The following TMEM278 variants were observed in gnomAD, a reference collection of about 807,000 sequenced individuals.
The protein encoded by TMEM278 is transmembrane protein 278.
chr1:1,426,455 G>A, the TMEM278 span: 2 of 1,244,860 alleles, frequency 1.6e-6, no homozygotes, highest in Non-Finnish European at 2.1e-6. Flanking sequence ...GGGTCTGAAG[G>A]CACTGTGCCC....
At chr1:1,429,347 CAA>C in the TMEM278 span, among the ~76,000 whole-genome samples, 8 of 125,758 alleles carry the variant, frequency 6.4e-5, no homozygotes, top group Non-Finnish European at 6.9e-5. Context: ...AACTCCATCT[CAA>C]AAAAAAAAAA....
At chr1:1,426,297 T>C in the TMEM278 span, 1 of 1,497,144 alleles carries the variant, frequency 6.7e-7, no homozygotes, top group Non-Finnish European at 8.9e-7. Context: ...GGGCTCCTGC[T>C]GCACCTCCTG....
chr1:1,427,847 G>A, the TMEM278 span: 9 of 1,315,244 alleles, frequency 6.8e-6, no homozygotes, highest in Non-Finnish European at 8.7e-6. Flanking sequence ...CCCATCGCGT[G>A]GCCCGGCCCG....
At chr1:1,428,503 T>C in the TMEM278 span, among the ~76,000 whole-genome samples, 9 of 152,052 alleles carry the variant, frequency 5.9e-5, no homozygotes, top group African/African-American at 2.2e-4. Context: ...GCGTCCTAGC[T>C]GTGCCGAGCT....
the TMEM278 span, among the ~76,000 whole-genome samples, chr1:1,427,986 G>C: frequency 5.8e-5 from 8 of 138,746 alleles, no homozygotes; most frequent in East Asian, 2.3e-4. Context: ...AGAGAGGGGA[G>C]GGGAGGGGAA....
chr1:1,427,828 G>A, the TMEM278 span: 14 of 1,360,776 alleles, frequency 1.0e-5, no homozygotes, highest in African/African-American at 3.2e-5. Flanking sequence ...CTCCGAGCTC[G>A]CGCGCGACCC....
At chr1:1,426,683 G>C in the TMEM278 span, among the ~76,000 whole-genome samples, 1 of 152,100 alleles carries the variant, frequency 6.6e-6, no homozygotes, top group Non-Finnish European at 1.5e-5. Flanking sequence ...TCCAGGAAAA[G>C]AAGATGAAAA....
chr1:1,426,101 G>A, the TMEM278 span: 174 of 1,365,980 alleles, frequency 1.3e-4, no homozygotes, highest in South Asian at 9.7e-4. Flanking sequence ...AGCACCGCCC[G>A]GGCCACAGGC....
chr1:1,426,444 T>TGGGTCTGAAGGCACTGTGCCCC, the TMEM278 span: 1 of 1,300,612 alleles, frequency 7.7e-7, no homozygotes, highest in Admixed American at 3.8e-5. Context: ...GGGCGTGCCC[T>TGGGTCTGAAGGCACTGTGCCCC]GGGTCTGAAG....
chr1:1,427,564 C>G, the TMEM278 span: 1 of 1,168,118 alleles, frequency 8.6e-7, no homozygotes. Context: ...GTCCACCCCG[C>G]TCCGGGTCCC....
At chr1:1,426,871 C>T in the TMEM278 span, among the ~76,000 whole-genome samples, 7 of 151,956 alleles carry the variant, frequency 4.6e-5, no homozygotes, top group Non-Finnish European at 1.5e-5. Context: ...GATGAGAGGG[C>T]GCAGGAGGGC....
At chr1:1,427,041 C>T in the TMEM278 span, among the ~76,000 whole-genome samples, 1 of 147,916 alleles carries the variant, frequency 6.8e-6, no homozygotes, top group Non-Finnish European at 1.5e-5. Context: ...CCTGCCTCTC[C>T]TTCGCCCAGG....
chr1:1,429,594 C>T, the TMEM278 span, among the ~76,000 whole-genome samples: 1 of 152,154 alleles, frequency 6.6e-6, no homozygotes, highest in African/African-American at 2.4e-5. Flanking sequence ...TTTCTCTGAA[C>T]GTTTGGTTGT....
chr1:1,425,991 G>A, the TMEM278 span: 33 of 1,250,052 alleles, frequency 2.6e-5, no homozygotes, highest in Non-Finnish European at 3.2e-5. Flanking sequence ...GACCTCCCTA[G>A]CCAGGGTCCA....
chr1:1,428,346 C>A, the TMEM278 span, among the ~76,000 whole-genome samples: 1 of 152,018 alleles, frequency 6.6e-6, no homozygotes, highest in African/African-American at 2.4e-5. Context: ...CTCGGCCAAG[C>A]CCAGGGTTCC....
the TMEM278 span, chr1:1,427,743 C>T: frequency 3.8e-6 from 5 of 1,305,900 alleles, no homozygotes; most frequent in Non-Finnish European, 4.8e-6. Flanking sequence ...CCGCCGCCCC[C>T]CGGGGCGCCC....
At chr1:1,428,043 AGGG>A in the TMEM278 span, among the ~76,000 whole-genome samples, 1 of 5,290 alleles carries the variant, frequency 1.9e-4, no homozygotes, top group South Asian at 0.01. Context: ...GGAGGGGAAG[AGGG>A]GAGGGGAGGG....
chr1:1,427,996 A>G, the TMEM278 span, among the ~76,000 whole-genome samples: 5 of 71,570 alleles, frequency 7.0e-5, no homozygotes, highest in Non-Finnish European at 1.3e-4. Context: ...GGGGAGGGGA[A>G]GAGAGGGGAG....
chr1:1,428,661 G>A, the TMEM278 span, among the ~76,000 whole-genome samples: 9 of 152,020 alleles, frequency 5.9e-5, no homozygotes, highest in Non-Finnish European at 7.4e-5. Flanking sequence ...ACTCCCTTCC[G>A]TCTAATCTGC....
Sources: gnomAD v4.1 joint callset for allele counts (sites outside exome capture counted in the v4.1 genomes callset) on GRCh38, gnomAD v4.1.1 for gene constraint, MANE v1.5 for transcripts, NCBI Gene and HGNC (gene_info 2026-07-23, HGNC 2026-07-21) for gene names.